Variants in WASF3 observed in about 807,000 individuals in gnomAD.
WASF3 encodes WASP family member 3, also known as actin-binding protein WASF3.
In WASF3, 11 loss-of-function variants were observed where a neutral mutation model predicts 46.6. The ratio of observed to expected loss-of-function variants is 0.24; its 90% CI spans 0.15 to 0.39. The LOEUF is 0.39. Ranked by LOEUF, WASF3 falls within the 10% of genes least tolerant of loss-of-function variation. The pLI is 1.00. For synonymous variants in WASF3, 242 were observed against 259.7 expected (o/e 0.93, Z 0.65); for missense variants, 576 against 669.8 (o/e 0.86, Z 1.55).
rs541905541 is a variant in WASF3 at position 26,626,014 on chromosome 13, C to G, written c.-11+12956C>G. On this transcript the variant is annotated intron_variant, in intron 2 of 9. Coordinates refer to ENST00000335327, the MANE Select transcript of WASF3 (RefSeq NM_006646.6). Reference sequence around the variant, plus strand: ...AACAGGTGGGACAAATAGAAAACCACTAGCAGGATGTGTTAAAGAAAAAAT... The same window carrying G: ...AACAGGTGGGACAAATAGAAAACCAGTAGCAGGATGTGTTAAAGAAAAAAT... 7.9e-5 allele frequency: 12 copies of G among 152,294 alleles called. No individual in the cohort carries two copies. In the East Asian group the frequency reaches 2.3e-3, roughly 29 times the overall value. 9.4% of individuals were successfully genotyped at this position (152,294 alleles called of 1,614,324 possible).
At chr13:26,561,774 G>T (rs148467395) in intron 1 of WASF3, among the ~76,000 whole-genome samples, 1 of 152,272 alleles carries the variant, frequency 6.6e-6, no homozygotes, top group East Asian at 1.9e-4. Flanking sequence ...TCCATTCGAT[G>T]ACCTCATGTT....
intron 9 of WASF3, among the ~76,000 whole-genome samples, chr13:26,684,641 C>G (rs531714104): frequency 6.6e-6 from 1 of 151,950 alleles, no homozygotes; most frequent in African/African-American, 2.4e-5. Flanking sequence ...GTGGGCGAGG[C>G]GGGGGCGGTA....
intron 2 of WASF3, chr13:26,640,010 G>GA (rs1881947500): frequency 6.6e-6 from 1 of 152,402 alleles, no homozygotes; most frequent in Admixed American, 6.5e-5. Flanking sequence ...TAGTGGCTAG[G>GA]AGTGTGAGAG....
intron 2 of WASF3, among the ~76,000 whole-genome samples, chr13:26,636,548 C>T (rs1463297161): frequency 6.6e-6 from 1 of 152,252 alleles, no homozygotes; most frequent in Non-Finnish European, 1.5e-5. Flanking sequence ...TGAGAGGAAC[C>T]AGGTACCTCA....
intron 1 of WASF3, among the ~76,000 whole-genome samples, chr13:26,598,410 T>C (rs1292951906): frequency 6.6e-6 from 1 of 152,208 alleles, no homozygotes; most frequent in Non-Finnish European, 1.5e-5. Context: ...CATTCTGTAG[T>C]GCCTCTTCAC....
rs555222282 is a variant in WASF3, at chr13:26,636,921, C to G, written c.-10-5340C>G. On this transcript the variant is annotated intron_variant, in intron 2 of 9. Coordinates refer to ENST00000335327, the MANE Select transcript of WASF3 (RefSeq NM_006646.6). ...ATTGTCTTTTCCTTAGGAGGAGATA[C>G]CCAGCATGCCTCTGAGCACTGGGTC... 7.9e-5 allele frequency among the ~76,000 whole-genome samples: 12 copies of G among 152,288 alleles called. No homozygotes were observed. The East Asian group carries it at 2.3e-3, about 29-fold the overall frequency.
chr13:26,649,684 A>C (rs939504104), intron 3 of WASF3, among the ~76,000 whole-genome samples: 4 of 152,208 alleles, frequency 2.6e-5, no homozygotes, highest in African/African-American at 7.2e-5. Context: ...GGGCTTCCAC[A>C]CTTGTGTGTT....
At chr13:26,631,076 T>G (rs948140718) in intron 2 of WASF3, among the ~76,000 whole-genome samples, 10 of 152,224 alleles carry the variant, frequency 6.6e-5, no homozygotes, top group African/African-American at 2.4e-4. Context: ...ATGAGTAGAT[T>G]GCAAAAATTT....
At chr13:26,548,108 A>G in the WASF3 span, among the ~76,000 whole-genome samples, 1 of 152,312 alleles carries the variant, frequency 6.6e-6, no homozygotes, top group Admixed American at 6.5e-5. Context: ...TCGGATTCTC[A>G]TAGGCAAACC....
chr13:26,676,297 C>T (rs1357242331), intron 6 of WASF3, among the ~76,000 whole-genome samples: 1 of 152,154 alleles, frequency 6.6e-6, no homozygotes, highest in East Asian at 1.9e-4. Context: ...AGTTTTTTTA[C>T]TTTAATGAAA....
At chr13:26,639,303 G>A (rs546806509) in intron 2 of WASF3, among the ~76,000 whole-genome samples, 1 of 152,298 alleles carries the variant, frequency 6.6e-6, no homozygotes, top group South Asian at 2.1e-4. Flanking sequence ...TAATGAACAT[G>A]AGAAATGAAG....
chr13:26,674,552 A>G (rs1330870166), intron 6 of WASF3, among the ~76,000 whole-genome samples: 2 of 152,264 alleles, frequency 1.3e-5, no homozygotes, highest in Non-Finnish European at 2.9e-5. Context: ...AAATATTTGC[A>G]TAAACATTTT....
the WASF3 span, among the ~76,000 whole-genome samples, chr13:26,548,079 A>C: frequency 7.2e-5 from 11 of 152,330 alleles, no homozygotes; most frequent in East Asian, 2.1e-3. Flanking sequence ...AGTTTTGTAG[A>C]GAGACAGAGT....
In WASF3 at chr13:26,642,244, G is replaced by T; in HGVS notation, c.-10-17G>T. 6.6e-7 allele frequency: 1 copy of T among 1,512,652 alleles called. No homozygotes were observed. The allele number at this position is 1,512,652 out of a possible 1,614,324, so 93.7% of individuals were successfully genotyped here. A position where few individuals can be genotyped will look rare whatever the true frequency, so the allele number is the denominator to read the frequency against. ...ATGTGAATATGAGCTTATAAAGAAT[G>T]TGTTTTCAATTTTCAGATTGTGAAC... On this transcript the variant is annotated splice_polypyrimidine_tract_variant and intron_variant, in intron 2 of 9. Coordinates refer to ENST00000335327, the MANE Select transcript of WASF3 (RefSeq NM_006646.6).
intron 7 of WASF3, chr13:26,680,011 A>G (rs368736509): frequency 4.3e-4 from 689 of 1,590,964 alleles, no homozygotes; most frequent in Non-Finnish European, 5.1e-4. Flanking sequence ...AGCACCCCCA[A>G]TGTGTGTTTG....
intron 1 of WASF3, among the ~76,000 whole-genome samples, chr13:26,561,269 AG>A (rs1412218272): frequency 3.9e-5 from 6 of 152,088 alleles, no homozygotes; most frequent in Non-Finnish European, 8.8e-5. Context: ...AGAAGAGGGA[AG>A]GCTTGAAGCA....
intron 1 of WASF3, among the ~76,000 whole-genome samples, chr13:26,571,569 T>G (rs766530396): frequency 2.0e-5 from 3 of 152,204 alleles, no homozygotes; most frequent in Admixed American, 1.3e-4. Context: ...GGTCTATTTT[T>G]GGGCGTTCCA....
chr13:26,656,876 A>G (rs1187721060), intron 3 of WASF3, among the ~76,000 whole-genome samples: 1 of 152,166 alleles, frequency 6.6e-6, no homozygotes, highest in African/African-American at 2.4e-5. Flanking sequence ...AAAAAACGAG[A>G]TCATACTAAT....
intron 1 of WASF3, among the ~76,000 whole-genome samples, chr13:26,572,364 A>G (rs958030005): frequency 1.3e-5 from 2 of 152,188 alleles, no homozygotes; most frequent in African/African-American, 4.8e-5. Flanking sequence ...ACACTAATTC[A>G]TTCTTGTTCT....
Sources: allele counts gnomAD v4.1 joint callset (sites outside exome capture counted in the v4.1 genomes callset), GRCh38; gene constraint gnomAD v4.1.1; transcripts MANE v1.5; gene names NCBI Gene and HGNC (gene_info 2026-07-23, HGNC 2026-07-21).